Variants in WNT7B observed in about 807,000 individuals in gnomAD.
The protein encoded by WNT7B is Wnt family member 7B, also known as protein Wnt-7b.
In WNT7B, 19 loss-of-function variants were observed where a neutral mutation model predicts 38.2. The observed-to-expected ratio is 0.50, with a 90% CI of 0.35 to 0.73. The LOEUF (loss-of-function observed/expected upper bound fraction) is 0.73, where lower values mean the gene tolerates loss of function less well. Among genes scored for constraint, WNT7B ranks in the 30% least tolerant of loss-of-function variants. The pLI is 0.01. For synonymous variants in WNT7B, 243 were observed against 209.3 expected (o/e 1.16, Z -1.39); for missense variants, 423 against 507.9 (o/e 0.83, Z 1.61).
chr22:45,946,401 C>A (rs1233260688), intron 2 of WNT7B, among the ~76,000 whole-genome samples: 2 of 152,222 alleles, frequency 1.3e-5, no homozygotes, highest in African/African-American at 4.8e-5. Flanking sequence ...AAACTCCCTG[C>A]CTTGTTGGGG....
intron 2 of WNT7B, among the ~76,000 whole-genome samples, chr22:45,934,292 CAGGAGG>C (rs1194942057): frequency 2.0e-5 from 3 of 152,054 alleles, no homozygotes; most frequent in Non-Finnish European, 2.9e-5. Flanking sequence ...TGACCTGGGG[CAGGAGG>C]AGAGGGGGGA....
At chr22:45,967,265 T>C (rs1932332664) in intron 1 of WNT7B, among the ~76,000 whole-genome samples, 1 of 151,900 alleles carries the variant, frequency 6.6e-6, no homozygotes, top group African/African-American at 2.4e-5. Context: ...GGGTTTCATC[T>C]GACAAGGGAG....
intron 3 of WNT7B, chr22:45,926,510 A>T: frequency 1.5e-5 from 15 of 985,404 alleles, no homozygotes; most frequent in Non-Finnish European, 1.7e-5. Context: ...CAGGGGAGTC[A>T]TGGGGTTGGT....
chr22:45,967,959 C>T (rs1264875280), intron 1 of WNT7B, among the ~76,000 whole-genome samples: 7 of 152,192 alleles, frequency 4.6e-5, no homozygotes, highest in East Asian at 1.9e-4. Context: ...AGAGGCAGCG[C>T]GGGCACTGGG....
chr22:45,936,943 C>T (rs1931528479), intron 2 of WNT7B, among the ~76,000 whole-genome samples: 2 of 152,252 alleles, frequency 1.3e-5, no homozygotes, highest in Non-Finnish European at 2.9e-5. Context: ...ACCATCCACT[C>T]AAGCTCCCTG....
chr22:45,952,709 T>C (rs1279553015), intron 1 of WNT7B, among the ~76,000 whole-genome samples: 4 of 152,158 alleles, frequency 2.6e-5, no homozygotes, highest in Non-Finnish European at 5.9e-5. Flanking sequence ...TGATGGGACT[T>C]AGTGTGGACC....
At chr22:45,956,451 A>G (rs957220738) in intron 1 of WNT7B, among the ~76,000 whole-genome samples, 2 of 152,074 alleles carry the variant, frequency 1.3e-5, no homozygotes, top group African/African-American at 2.4e-5. Flanking sequence ...AGCTTCATCT[A>G]TGGGGCCCCA....
chr22:45,954,929 G>T, intron 1 of WNT7B: 1 of 205,714 alleles, frequency 4.9e-6, no homozygotes, highest in Non-Finnish European at 8.5e-6. Context: ...TAGGGGACCT[G>T]TCTGGCACTG....
chr22:45,927,087 C>T (rs1601714481), intron 3 of WNT7B: 3 of 985,474 alleles, frequency 3.0e-6, no homozygotes, highest in East Asian at 1.1e-4. Flanking sequence ...CAGGCCTCTG[C>T]AGATGGACAA....
At chr22:45,953,643 C>T (rs1397057592) in intron 1 of WNT7B, among the ~76,000 whole-genome samples, 1 of 151,008 alleles carries the variant, frequency 6.6e-6, no homozygotes, top group Non-Finnish European at 1.5e-5. Context: ...AGAAGACGCT[C>T]AACCTCAGTA....
At chr22:45,940,015 G>T (rs982274910) in intron 2 of WNT7B, among the ~76,000 whole-genome samples, 2 of 152,132 alleles carry the variant, frequency 1.3e-5, no homozygotes, top group African/African-American at 4.8e-5. Context: ...TCTTTCTGGG[G>T]TGATGAAAAT....
intron 2 of WNT7B, among the ~76,000 whole-genome samples, chr22:45,949,292 G>A (rs1219393651): frequency 1.3e-5 from 2 of 152,084 alleles, no homozygotes; most frequent in Admixed American, 6.5e-5. Context: ...GGCAGGTTTC[G>A]GTGATTGCTT....
rs147170461 is a variant in WNT7B, at chr22:45,966,922, T to C, written c.71+9762A>G. 1.3e-5 allele frequency among the ~76,000 whole-genome samples: 2 copies of C among 149,166 alleles called. No individual in the cohort carries two copies. The highest frequency in any genetic ancestry group is 3.0e-5 in the Non-Finnish European group (2 of 66,950). On this transcript the variant is annotated intron_variant, in intron 1 of 3. Transcript: ENST00000339464. This position sits in a 1 kb window ranked among gnomAD's most constrained non-coding sequence, Gnocchi z 4.2. Reference sequence around the variant, plus strand: ...CCTCCCCAGCATCCCCGGCCCTCACTCCTGCATCTGCTTGTATGCCTCCGG... The same window carrying C: ...CCTCCCCAGCATCCCCGGCCCTCACCCCTGCATCTGCTTGTATGCCTCCGG...
In WNT7B at chr22:45,975,862, C is replaced by G. The variant is rs1932539012; in HGVS notation, c.71+822G>C. ...TCTCCGTCACGCCGTTTCTCCACCC[C>G]CACTTCGAGCGAAGCCGAGACAGAT... On this transcript the variant is annotated intron_variant, in intron 1 of 3. Transcript: ENST00000339464. This position sits in a 1 kb window ranked among gnomAD's most constrained non-coding sequence, Gnocchi z 6.6. 1 of 258,554 alleles carries G rather than the reference C, an allele frequency of 3.9e-6. No homozygotes were observed. The highest frequency in any genetic ancestry group is 2.3e-5 in the African/African-American group (1 of 44,348). The allele number at this position is 258,554 out of a possible 1,614,324, so 16.0% of individuals were successfully genotyped here.
At chr22:45,925,927 C>G (rs1931068474) in intron 3 of WNT7B, 1 of 985,276 alleles carries the variant, frequency 1.0e-6, no homozygotes, top group African/African-American at 1.7e-5. Context: ...CCTGCTGTGG[C>G]CCAGGATGGC....
At chr22:45,946,634 C>A (rs2146729239) in intron 2 of WNT7B, among the ~76,000 whole-genome samples, 1 of 152,288 alleles carries the variant, frequency 6.6e-6, no homozygotes, top group East Asian at 1.9e-4. Flanking sequence ...CGAGGGGGAC[C>A]ACAGCAGTGG....
chr22:45,949,825 G>A (rs1319834843), intron 2 of WNT7B, 95 bp downstream of exon 2: 4 of 1,252,656 alleles, frequency 3.2e-6, no homozygotes, highest in Non-Finnish European at 3.3e-6. Flanking sequence ...GGAGATGTGT[G>A]CAGAACAGCG....
At position 45,976,824 on chromosome 22, in the gene WNT7B, G is replaced by T. The variant is rs1166137581; in HGVS notation, c.-70C>A. 2.0e-5 allele frequency: 29 copies of T among 1,472,994 alleles called. No homozygotes were observed. Among genetic ancestry groups the T allele is most frequent in the Non-Finnish European group, 2.5e-5 (28 of 1,098,120 alleles). The allele number at this position is 1,472,994 out of a possible 1,614,324, so 91.2% of individuals were successfully genotyped here. A position where few individuals can be genotyped will look rare whatever the true frequency, so the allele number is the denominator to read the frequency against. On this transcript the variant is annotated 5_prime_UTR_variant, in exon 1 of 4. Transcript: ENST00000339464. This position sits in a 1 kb window ranked among gnomAD's most constrained non-coding sequence, Gnocchi z 8.5. The stretch of plus-strand genomic sequence containing the variant: ...GGACGCGCGGGCCCGGCAGGGCCGG[G>T]CAGGGGCCAGGGGGCTGCGGGCAGA...
chr22:45,923,780 G>A (rs975065698), intron 3 of WNT7B, among the ~76,000 whole-genome samples: 6 of 152,070 alleles, frequency 3.9e-5, no homozygotes, highest in Non-Finnish European at 8.8e-5. Context: ...CATCTCTCCC[G>A]CTCCCCACCC....
Sources: allele counts gnomAD v4.1 joint callset (sites outside exome capture counted in the v4.1 genomes callset), GRCh38; gene constraint gnomAD v4.1.1; non-coding constraint Gnocchi (gnomAD v3.1); transcripts MANE v1.5; gene names NCBI Gene and HGNC (gene_info 2026-07-23, HGNC 2026-07-21).